Variants in AOX1 observed in about 807,000 individuals in gnomAD.
The protein encoded by AOX1 is aldehyde oxidase 1.
Under a neutral mutation model 169.5 loss-of-function variants are expected in AOX1, and 153 were observed. The ratio of observed to expected loss-of-function variants is 0.90; its 90% CI spans 0.79 to 1.03. The LOEUF is 1.03. Ranked by LOEUF, AOX1 falls within the 50% of genes least tolerant of loss-of-function variation. AOX1 has a pLI of 0.00. For missense variants in AOX1, 1,656 were observed against 1,663.9 expected, an observed-to-expected ratio of 1.00 and a Z score of 0.08; for synonymous variants, 562 against 581.9, an observed-to-expected ratio of 0.97 and a Z score of 0.49.
intron 2 of AOX1, among the ~76,000 whole-genome samples, chr2:200,594,173 G>A (rs530670906): frequency 1.3e-5 from 2 of 152,280 alleles, no homozygotes; most frequent in East Asian, 1.9e-4. Flanking sequence ...TGGAGATAAG[G>A]TTGAGTGGAA....
At chr2:200,634,714 T>C in intron 20 of AOX1, 77 bp from the exon 21 acceptor site, 1 of 1,566,210 alleles carries the variant, frequency 6.4e-7, no homozygotes, top group Non-Finnish European at 8.7e-7. Flanking sequence ...AATTTCTGCA[T>C]AACGGGATAA....
In AOX1 at chr2:200,612,803, TA is replaced by T; in HGVS notation, c.1448+11del. On this transcript the variant is annotated intron_variant, in intron 14 of 34. Coordinates refer to ENST00000374700, the MANE Select transcript of AOX1 (RefSeq NM_001159.4). The stretch of plus-strand genomic sequence containing the variant: ...AGAAACTCATTGGAAGGTAAGGCAT[TA>T]GAAGTAAGGGCTCCTCTAATACTTG... 2 of 1,611,666 alleles carry T rather than the reference TA, an allele frequency of 1.2e-6. No individual in the cohort carries two copies. Among genetic ancestry groups the T allele is most frequent in the Non-Finnish European group, 1.7e-6 (2 of 1,178,774 alleles).
At chr2:200,639,456 A>G (rs1405887370) in intron 23 of AOX1, among the ~76,000 whole-genome samples, 2 of 152,236 alleles carry the variant, frequency 1.3e-5, no homozygotes, top group Admixed American at 1.3e-4. Flanking sequence ...AGGATTTGTT[A>G]AATGCATAGC....
intron 28 of AOX1, among the ~76,000 whole-genome samples, 200 bp from the exon 29 acceptor site, chr2:200,659,795 C>G (rs1559259848): frequency 8.4e-6 from 1 of 118,924 alleles, no homozygotes; most frequent in Non-Finnish European, 1.7e-5. Flanking sequence ...CTCACACACA[C>G]ACACACACAC....
intron 23 of AOX1, among the ~76,000 whole-genome samples, chr2:200,640,516 G>T (rs2035333184): frequency 6.6e-6 from 1 of 152,178 alleles, no homozygotes; most frequent in Non-Finnish European, 1.5e-5. Context: ...GAGAATTGGT[G>T]AAAATCTTGG....
downstream of AOX1, among the ~76,000 whole-genome samples, chr2:200,674,368 T>G (rs1172643367): frequency 6.6e-6 from 1 of 151,056 alleles, no homozygotes. Context: ...ACAGGAGTGG[T>G]GCAACCCAAG....
At position 200,620,806 on chromosome 2, in the gene AOX1, C is replaced by T. The variant is rs1447290747; in HGVS notation, c.1861C>T (p.His621Tyr). Residue 621 changes from histidine to tyrosine, a missense_variant, in exon 17 of 35, where the codon CAT becomes TAT. His to Tyr is a moderately conservative substitution (Grantham distance 83, BLOSUM62 2). Coordinates refer to ENST00000374700, the MANE Select transcript of AOX1 (RefSeq NM_001159.4). ...GACTTTTGTGACTAGTTCAAGAGCTCATGCTAAGATTGTGTAAGTGGTAAA... is the reference window on the plus strand; with the variant it reads ...GACTTTTGTGACTAGTTCAAGAGCTTATGCTAAGATTGTGTAAGTGGTAAA... ...FLTFVTSSRA[H>Y]AKIVSIDLSE... is the part of the protein sequence containing the mutation. 6.2e-7 allele frequency: 1 copy of T among 1,600,348 alleles called. No homozygotes were observed. Among genetic ancestry groups the T allele is most frequent in the Admixed American group, 1.8e-5 (1 of 55,898 alleles).
At chr2:200,677,491 C>T (rs2036117289), downstream of AOX1, among the ~76,000 whole-genome samples, 1 of 152,186 alleles carries the variant, frequency 6.6e-6, no homozygotes, top group South Asian at 2.1e-4. Flanking sequence ...ACCATTGCCA[C>T]CACACACAAA....
At position 200,666,737 on chromosome 2, in the gene AOX1, C is replaced by T. The variant is rs2035930308; in HGVS notation, c.3594C>T (p.Ala1198=). 1 of 1,610,688 alleles carries T rather than the reference C, an allele frequency of 6.2e-7. No homozygotes were observed. The highest frequency in any genetic ancestry group is 1.7e-5 in the Admixed American group (1 of 59,046). Residue 1198 remains alanine (A), a synonymous_variant, in exon 32 of 35, where the codon GCC becomes GCT. Transcript: ENST00000374700. ...ATGTTGGCTGCAGTATAAATCCAGC[C>T]ATTGACATAGGCCAGGTACGTGTAA... ...VMDVGCSINP[A]IDIGQIEGAF...
At chr2:200,652,092 G>C (rs2035591119) in intron 26 of AOX1, among the ~76,000 whole-genome samples, 1 of 152,196 alleles carries the variant, frequency 6.6e-6, no homozygotes, top group Non-Finnish European at 1.5e-5. Context: ...TGGCAGGGTA[G>C]GGGAGCTTCG....
chr2:200,624,220 G>A (rs34560359), intron 19 of AOX1, among the ~76,000 whole-genome samples: 1 of 152,156 alleles, frequency 6.6e-6, no homozygotes, highest in Admixed American at 6.5e-5. Context: ...ACAGATGGCC[G>A]CCAGGACAAC....
rs562999729 is a variant in AOX1, at chr2:200,609,581, A to G, written c.1153+167A>G. On this transcript the variant is annotated intron_variant, in intron 12 of 34. Transcript: ENST00000374700. ...TTTGTGAGTCTTGTCTTAATAGCACAGGCTTTCTTCCCCTGTGTCTTTCTG... is the reference window on the plus strand; with the variant it reads ...TTTGTGAGTCTTGTCTTAATAGCACGGGCTTTCTTCCCCTGTGTCTTTCTG... 3.9e-5 allele frequency among the ~76,000 whole-genome samples: 6 copies of G among 152,310 alleles called. No individual in the cohort carries two copies. The South Asian group carries it at 1.0e-3, about 26-fold the overall frequency.
At chr2:200,621,052 T>C in intron 17 of AOX1, 68 bp from the exon 18 acceptor site, 1 of 1,525,346 alleles carries the variant, frequency 6.6e-7, no homozygotes. Context: ...TCATATCTTA[T>C]TATCCAATTA....
intron 24 of AOX1, among the ~76,000 whole-genome samples, chr2:200,641,983 G>A (rs1263303179): frequency 6.6e-6 from 1 of 152,116 alleles, no homozygotes; most frequent in Non-Finnish European, 1.5e-5. Flanking sequence ...TTCTACTAAA[G>A]CCGGGTATGG....
intron 32 of AOX1, among the ~76,000 whole-genome samples, chr2:200,667,303 G>A (rs1158796804): frequency 2.6e-5 from 4 of 152,216 alleles, no homozygotes; most frequent in South Asian, 2.1e-4. Flanking sequence ...GAGTGAAGTC[G>A]GTGGGCTGTA....
At chr2:200,654,664 TGAAACATTTGGG>T (rs1389331086) in intron 26 of AOX1, among the ~76,000 whole-genome samples, 15 of 152,344 alleles carry the variant, frequency 9.8e-5, no homozygotes, top group African/African-American at 3.6e-4. Context: ...TCTGAATGGC[TGAAACATTTGGG>T]GAATCTGCGG....
intron 21 of AOX1, among the ~76,000 whole-genome samples, chr2:200,636,679 G>C (rs1418702736): frequency 1.3e-5 from 2 of 152,208 alleles, no homozygotes. Context: ...GCTGAGATCA[G>C]TTGGGGCTGT....
At chr2:200,650,268 G>C (rs953828719) in intron 25 of AOX1, among the ~76,000 whole-genome samples, 1 of 152,276 alleles carries the variant, frequency 6.6e-6, no homozygotes, top group East Asian at 1.9e-4. Context: ...AAATGAGATG[G>C]CTTACTAATT....
chr2:200,668,016 T>C (rs546462308), intron 32 of AOX1, among the ~76,000 whole-genome samples: 7 of 152,160 alleles, frequency 4.6e-5, no homozygotes, highest in Non-Finnish European at 1.0e-4. Flanking sequence ...AGACTCTTCC[T>C]GAGCACTCAT....
Sources: gnomAD v4.1 joint callset for allele counts (sites outside exome capture counted in the v4.1 genomes callset) on GRCh38, gnomAD v4.1.1 for gene constraint, MANE v1.5 for transcripts, NCBI Gene and HGNC (gene_info 2026-07-23, HGNC 2026-07-21) for gene names.